The following MYH7B variants were observed in gnomAD, a reference collection of about 807,000 sequenced individuals.
The protein encoded by MYH7B is myosin heavy chain 7B.
A neutral mutation model predicts 234.5 loss-of-function variants in MYH7B; 205 were observed. That is an observed-to-expected ratio of 0.87 (90% CI 0.78 to 0.98). The LOEUF (loss-of-function observed/expected upper bound fraction) is 0.98, where lower values mean the gene tolerates loss of function less well. Ranked by LOEUF, MYH7B falls within the 50% of genes least tolerant of loss-of-function variation. MYH7B has a pLI of 0.00. For missense variants in MYH7B, 2,652 were observed against 2,633.4 expected (o/e 1.01, Z -0.15); for synonymous variants, 1,193 against 1,105.0 (o/e 1.08, Z -1.58).
exon 27 of MYH7B, chr20:34,994,160 C>T (rs770471792): frequency 1.2e-6 from 2 of 1,613,250 alleles, no homozygotes; most frequent in South Asian, 1.1e-5. Context: ...GCGCTGTTCA[C>T]CATCCAGTGG....
exon 19 of MYH7B, chr20:34,988,196 G>A: frequency 1.2e-6 from 2 of 1,614,178 alleles, no homozygotes; most frequent in Non-Finnish European, 1.7e-6. Context: ...ACAAGCGGGA[G>A]GGCATCGACT....
At chr20:34,987,705 G>T in intron 17 of MYH7B, 30 bp downstream of exon 17, 9 of 1,612,094 alleles carry the variant, frequency 5.6e-6, no homozygotes, top group Non-Finnish European at 7.6e-6. Context: ...AACCCATGGG[G>T]GACAGCCGGG....
At chr20:34,984,566 T>C in intron 10 of MYH7B, 126 bp from the exon 11 acceptor site, 1 of 797,340 alleles carries the variant, frequency 1.3e-6, no homozygotes, top group Non-Finnish European at 2.1e-6. Context: ...GTGGGGGCCA[T>C]GCATTCCGGT....
exon 7 of MYH7B, chr20:34,979,682 GAGCTGC>G (rs1569034849): frequency 3.7e-6 from 6 of 1,614,148 alleles, no homozygotes; most frequent in Non-Finnish European, 5.1e-6. Flanking sequence ...GCGTGAAGCC[GAGCTGC>G]AGCCCATGAA....
At chr20:34,992,992 C>T (rs887626888) in intron 24 of MYH7B, 110 bp from the exon 25 acceptor site, 24 of 1,374,580 alleles carry the variant, frequency 1.7e-5, no homozygotes, top group Admixed American at 1.1e-4. Context: ...GGCCCAGGAA[C>T]GAGTCCCCTG....
rs750330214 is a variant in MYH7B, at chr20:34,999,225, C to T, written c.4360C>T (p.Arg1454Trp). Residue 1454 changes from arginine to tryptophan, a missense_variant, in exon 36 of 45, where the codon CGG becomes TGG. Transcript: ENST00000262873. ...AGCTGCTGCGCTGGACAAGAAGCAG[C>T]GGCACTTGGAACGGGCACTGGAGGA... 39 of 1,610,648 alleles carry T rather than the reference C, an allele frequency of 2.4e-5. 1 individual carries two copies. The highest frequency in any genetic ancestry group is 1.8e-4 in the South Asian group (16 of 90,520).
intron 13 of MYH7B, 64 bp downstream of exon 13, chr20:34,985,193 C>T: frequency 3.1e-5 from 47 of 1,507,798 alleles, no homozygotes; most frequent in Non-Finnish European, 4.2e-5. Flanking sequence ...CCCAACTCGG[C>T]CTCTGTCATC....
At chr20:34,983,001 G>C (rs1420608007) in intron 10 of MYH7B, among the ~76,000 whole-genome samples, 1 of 152,224 alleles carries the variant, frequency 6.6e-6, no homozygotes, top group Non-Finnish European at 1.5e-5. Context: ...GGGCAATTTT[G>C]TGCCTTGTGA....
chr20:34,991,173 TG>T, intron 24 of MYH7B, 52 bp downstream of exon 24: 1 of 1,319,828 alleles, frequency 7.6e-7, no homozygotes, highest in Non-Finnish European at 1.1e-6. Context: ...CCTGAGGGGC[TG>T]GGCAGGACAC....
intron 26 of MYH7B, 88 bp downstream of exon 26, chr20:34,993,558 C>CTGACTACAGGGCAG: frequency 1.5e-6 from 2 of 1,369,794 alleles, no homozygotes; most frequent in Non-Finnish European, 1.9e-6. Flanking sequence ...TAACATGCTG[C>CTGACTACAGGGCAG]CCTGTAGTCA....
At chr20:34,961,432 A>C (rs191778350) in intron 2 of MYH7B, among the ~76,000 whole-genome samples, 1 of 152,270 alleles carries the variant, frequency 6.6e-6, no homozygotes, top group East Asian at 1.9e-4. Context: ...CTGACCCCCC[A>C]ACCCAAGAAG....
intron 19 of MYH7B, among the ~76,000 whole-genome samples, 189 bp downstream of exon 19, chr20:34,988,451 TGTGA>T (rs2082076201): frequency 6.6e-6 from 1 of 151,320 alleles, no homozygotes; most frequent in Non-Finnish European, 1.5e-5. Flanking sequence ...AGGGCACGTG[TGTGA>T]GTGGGTGTGT....
chr20:34,994,023 C>A, intron 26 of MYH7B, 123 bp from the exon 27 acceptor site: 1 of 1,300,474 alleles, frequency 7.7e-7, no homozygotes, highest in Non-Finnish European at 1.1e-6. Context: ...ACCTATAAAG[C>A]AGAGCTATTA....
chr20:34,989,876 G>A lies in MYH7B; in HGVS notation c.1724G>A (p.Arg575His), dbSNP rs146138949. The A allele has an allele frequency of 9.4e-4, 1,520 of 1,614,202 alleles. No individual in the cohort carries two copies. Among genetic ancestry groups the A allele is most frequent in the Non-Finnish European group, 1.2e-3 (1,417 of 1,180,038 alleles). Residue 575 changes from arginine (R) to histidine (H), a missense_variant, in exon 20 of 45, where the codon CGC becomes CAC. Physicochemically the swap from Arg to His is conservative, Grantham distance 29 (BLOSUM62 0). Transcript: ENST00000262873. ...CAGCAGCCTCGGCCTGACAAGAAGC[G>A]CAAGTACCAGGCCCACTTCGAGGTG...
chr20:35,002,350 T>TG, exon 45 of MYH7B: 1 of 777,788 alleles, frequency 1.3e-6, no homozygotes, highest in Non-Finnish European at 1.9e-6. Flanking sequence ...TTCTTTTCTT[T>TG]GGGGTTCAGG....
At chr20:34,990,867 A>G in intron 23 of MYH7B, 42 bp downstream of exon 23, 2 of 1,609,000 alleles carry the variant, frequency 1.2e-6, no homozygotes, top group Non-Finnish European at 1.7e-6. Context: ...GGGAGGCATC[A>G]TGGGAAGGTG....
intron 2 of MYH7B, among the ~76,000 whole-genome samples, chr20:34,965,092 G>A (rs897242257): frequency 5.9e-5 from 9 of 152,152 alleles, no homozygotes; most frequent in Non-Finnish European, 1.2e-4. Context: ...GAGTCTCACT[G>A]TGTTGTCTAG....
chr20:34,979,110 G>A (rs1223269970), intron 5 of MYH7B, among the ~76,000 whole-genome samples: 2 of 152,194 alleles, frequency 1.3e-5, no homozygotes, highest in Non-Finnish European at 2.9e-5. Context: ...GAGAGAATCA[G>A]GGATTTTCCT....
At chr20:34,957,429 ACTC>A (rs888816211) in intron 1 of MYH7B, among the ~76,000 whole-genome samples, 21 of 149,332 alleles carry the variant, frequency 1.4e-4, no homozygotes, top group African/African-American at 5.2e-4. Context: ...AGGAGTGAGA[ACTC>A]CTAGTGATCG....
Sources: gnomAD v4.1 joint callset for allele counts (sites outside exome capture counted in the v4.1 genomes callset) on GRCh38, gnomAD v4.1.1 for gene constraint, MANE v1.5 for transcripts, NCBI Gene and HGNC (gene_info 2026-07-23, HGNC 2026-07-21) for gene names.